CAST: variants seen among roughly 807,000 people sequenced by gnomAD.
CAST encodes the protein calpastatin, also known as MIR583 host.
CAST carries 76 observed loss-of-function variants against 119.6 expected under a neutral mutation model. The ratio of observed to expected loss-of-function variants is 0.64; its 90% CI spans 0.53 to 0.77. CAST has a LOEUF of 0.77. Ranked by LOEUF, CAST falls within the 30% of genes least tolerant of loss-of-function variation. CAST has a pLI of 0.00. For missense variants in CAST, 953 were observed against 946.5 expected, an observed-to-expected ratio of 1.01 and a Z score of -0.09; for synonymous variants, 319 against 331.6, an observed-to-expected ratio of 0.96 and a Z score of 0.41.
At chr5:96,456,645 C>A in the CAST span, among the ~76,000 whole-genome samples, 49 of 152,344 alleles carry the variant, frequency 3.2e-4, 1 homozygote, top group Non-Finnish European at 2.6e-4. Flanking sequence ...GTACCAGGCA[C>A]TGGCATAAAA....
At chr5:96,358,900 T>C in the CAST span, among the ~76,000 whole-genome samples, 2 of 152,180 alleles carry the variant, frequency 1.3e-5, no homozygotes, top group Non-Finnish European at 1.5e-5. Context: ...TTGTTAATTT[T>C]CTGTCTCGTT....
the CAST span, among the ~76,000 whole-genome samples, chr5:96,486,834 A>G: frequency 2.0e-5 from 3 of 152,200 alleles, no homozygotes; most frequent in Admixed American, 6.5e-5. Context: ...CTCCTGTGAG[A>G]CGTCCCTGGT....
At chr5:96,537,968 T>G (rs1419268595) in intron 1 of CAST, among the ~76,000 whole-genome samples, 1 of 152,254 alleles carries the variant, frequency 6.6e-6, no homozygotes, top group African/African-American at 2.4e-5. Flanking sequence ...GTAGCTTTCA[T>G]GCTTTCAGCC....
the CAST span, among the ~76,000 whole-genome samples, chr5:96,073,014 G>C: frequency 6.6e-6 from 1 of 152,178 alleles, no homozygotes; most frequent in Non-Finnish European, 1.5e-5. Context: ...ATTCGAGATT[G>C]TTTATTCCAC....
At chr5:96,526,510 C>T (rs1745599321), upstream of CAST, among the ~76,000 whole-genome samples, 1 of 152,136 alleles carries the variant, frequency 6.6e-6, no homozygotes. Context: ...GAAACTTATA[C>T]TTTCTTTTAG....
Position 96,635,276 on chromosome 5 carries a change from T to A in CAST, c.61-40263T>A, listed in dbSNP as rs755336695. 5.1e-4 allele frequency among the ~76,000 whole-genome samples: 78 copies of A among 152,352 alleles called. 1 individual carries two copies. The highest frequency in any genetic ancestry group is 3.9e-4 in the Admixed American group (6 of 15,308). On this transcript the variant is annotated intron_variant, in intron 1 of 11. Transcript: ENST00000505143. ...TAATAGGAAATGGGATCAAATTACA[T>A]AGACTTTGCTATTCTCTTTGTTTCC... is the stretch of plus-strand genomic sequence containing the variant.
At chr5:96,351,313 G>C in the CAST span, among the ~76,000 whole-genome samples, 1 of 152,060 alleles carries the variant, frequency 6.6e-6, no homozygotes, top group Non-Finnish European at 1.5e-5. Context: ...ACTTGCTATG[G>C]CCAAAGAGAT....
chr5:96,261,083 C>T, the CAST span, among the ~76,000 whole-genome samples: 1 of 152,142 alleles, frequency 6.6e-6, no homozygotes, highest in Non-Finnish European at 1.5e-5. Flanking sequence ...TAGGAGTAGA[C>T]ACCAATAAAG....
At chr5:96,685,946 T>C (rs563998734) in intron 2 of CAST, among the ~76,000 whole-genome samples, 35 of 152,364 alleles carry the variant, frequency 2.3e-4, no homozygotes, top group African/African-American at 7.9e-4. Context: ...GATTTCTTTA[T>C]TTCTTTTTTC....
Position 96,762,364 on chromosome 5 carries a change from GAT to G in CAST, c.1926_1927del (p.Thr643LeufsTer4). ...GACCCAAGCTGGAGCCCCACCCCGT[GAT>G]ACCTCGGTAAGCAGCACATCTTATT... ...STTQAGAPPR[D>X]TSQSDKDLDD... is the part of the protein sequence containing the mutation. On this transcript the variant is annotated frameshift_variant, in exon 25 of 32. Transcript: ENST00000675179. LOFTEE classifies it high-confidence loss of function. 6.3e-7 allele frequency: 1 copy of G among 1,595,322 alleles called. No homozygotes were observed. Among genetic ancestry groups the G allele is most frequent in the Non-Finnish European group, 8.5e-7 (1 of 1,173,070 alleles).
At chr5:95,988,834 A>C in the CAST span, among the ~76,000 whole-genome samples, 1 of 152,234 alleles carries the variant, frequency 6.6e-6, no homozygotes, top group Non-Finnish European at 1.5e-5. Flanking sequence ...AATTTTTAAA[A>C]AATTGTTTAG....
intron 1 of CAST, among the ~76,000 whole-genome samples, 184 bp downstream of exon 1, chr5:96,662,681 C>T (rs1279409589): frequency 2.4e-5 from 2 of 81,786 alleles, no homozygotes; most frequent in South Asian, 3.9e-4. Flanking sequence ...GCTTCGGTTC[C>T]CCGGCCGGGT....
At chr5:96,474,367 C>A in the CAST span, among the ~76,000 whole-genome samples, 8 of 144,182 alleles carry the variant, frequency 5.5e-5, no homozygotes, top group Non-Finnish European at 9.1e-5. Flanking sequence ...CTAGAACTTC[C>A]GTGTCATCCA....
At chr5:96,383,608 G>T in the CAST span, among the ~76,000 whole-genome samples, 6 of 152,124 alleles carry the variant, frequency 3.9e-5, no homozygotes, top group African/African-American at 1.2e-4. Flanking sequence ...ACCACGCCCA[G>T]CTAATTTTTT....
chr5:96,148,136 T>G, the CAST span, among the ~76,000 whole-genome samples: 1 of 152,218 alleles, frequency 6.6e-6, no homozygotes, highest in Admixed American at 6.5e-5. Flanking sequence ...CCTAGTTTTC[T>G]TCTGCTGATG....
the CAST span, among the ~76,000 whole-genome samples, chr5:96,238,812 A>G: frequency 1.3e-5 from 2 of 152,186 alleles, no homozygotes; most frequent in Admixed American, 6.5e-5. Context: ...CTATGTTAGT[A>G]TCTTTACTAT....
chr5:96,145,146 C>T, the CAST span, among the ~76,000 whole-genome samples: 2 of 152,190 alleles, frequency 1.3e-5, no homozygotes, highest in African/African-American at 4.8e-5. Context: ...CTTCAGCTAT[C>T]AGTTAATAGC....
chr5:96,633,790 G>C (rs1305322340), intron 1 of CAST, among the ~76,000 whole-genome samples: 1 of 152,246 alleles, frequency 6.6e-6, no homozygotes, highest in African/African-American at 2.4e-5. Context: ...AGATGGGTTT[G>C]ATGTTTTCTT....
the CAST span, among the ~76,000 whole-genome samples, chr5:96,409,136 G>A: frequency 8.5e-5 from 13 of 152,184 alleles, no homozygotes; most frequent in African/African-American, 3.1e-4. Context: ...TGAAGAGATT[G>A]CTGAGATGAA....
Sources: allele counts gnomAD v4.1 joint callset (sites outside exome capture counted in the v4.1 genomes callset), GRCh38; gene constraint gnomAD v4.1.1; transcripts MANE v1.5; gene names NCBI Gene and HGNC (gene_info 2026-07-23, HGNC 2026-07-21).